OPCML: variants seen among roughly 807,000 people sequenced by gnomAD.
OPCML encodes the protein opioid-binding protein/cell adhesion molecule.
A neutral mutation model predicts 37.8 loss-of-function variants in OPCML; 13 were observed. The ratio of observed to expected loss-of-function variants is 0.34; its 90% CI spans 0.22 to 0.55. The LOEUF (loss-of-function observed/expected upper bound fraction) is 0.55, where lower values mean the gene tolerates loss of function less well. Ranked by LOEUF, OPCML falls within the 20% of genes least tolerant of loss-of-function variation. The pLI, the probability that OPCML is intolerant of heterozygous loss-of-function variation, is 0.91. For synonymous variants in OPCML, 176 were observed against 168.8 expected (o/e 1.04, Z -0.33); for missense variants, 341 against 435.6 (o/e 0.78, Z 1.93).
At chr11:132,769,952 G>A (rs1161285355) in intron 2 of OPCML, among the ~76,000 whole-genome samples, 12 of 152,126 alleles carry the variant, frequency 7.9e-5, no homozygotes. Context: ...GGCATCATGG[G>A]GAGAAGACTG....
At chr11:133,468,775 T>C (rs1025667611) in intron 1 of OPCML, among the ~76,000 whole-genome samples, 4 of 152,164 alleles carry the variant, frequency 2.6e-5, no homozygotes, top group Non-Finnish European at 5.9e-5. Flanking sequence ...CCAGCCCCTT[T>C]CTCTACCTTG....
intron 2 of OPCML, among the ~76,000 whole-genome samples, chr11:132,696,223 C>T (rs1943594069): frequency 6.6e-6 from 1 of 152,144 alleles, no homozygotes; most frequent in Admixed American, 6.5e-5. Context: ...CATAAATGAG[C>T]TTAATCACAT....
intron 1 of OPCML, among the ~76,000 whole-genome samples, chr11:133,429,669 G>A (rs184300876): frequency 1.3e-5 from 2 of 152,244 alleles, no homozygotes; most frequent in Admixed American, 6.5e-5. Flanking sequence ...TGAAAGTGAG[G>A]TATGAGAAAA....
chr11:132,762,356 T>C (rs139875434), intron 2 of OPCML, among the ~76,000 whole-genome samples: 109 of 152,290 alleles, frequency 7.2e-4, no homozygotes, highest in African/African-American at 2.1e-3. Flanking sequence ...GACATCCGCC[T>C]CTCTCCTCAG....
intron 1 of OPCML, among the ~76,000 whole-genome samples, chr11:133,306,295 C>G (rs1942915084): frequency 6.6e-6 from 1 of 152,090 alleles, no homozygotes; most frequent in South Asian, 2.1e-4. Context: ...CAGCAAAATA[C>G]CACAACAAAG....
At chr11:132,872,857 T>TTAGC (rs1226382984) in intron 2 of OPCML, among the ~76,000 whole-genome samples, 3 of 152,198 alleles carry the variant, frequency 2.0e-5, no homozygotes, top group African/African-American at 7.2e-5. Flanking sequence ...TCCCTGGCTA[T>TTAGC]TAGCTGAGTA....
chr11:133,237,743 G>A (rs1381003558), intron 1 of OPCML, among the ~76,000 whole-genome samples: 1 of 152,154 alleles, frequency 6.6e-6, no homozygotes, highest in Non-Finnish European at 1.5e-5. Context: ...ACACATATAA[G>A]CATATATCAG....
rs112592515 is a variant in OPCML, at chr11:132,708,845, T to G, written c.147-51526A>C. On this transcript the variant is annotated intron_variant, in intron 2 of 7. Coordinates refer to ENST00000524381, the MANE Select transcript of OPCML (RefSeq NM_001012393.5). ...TTATGGCTACCAGTGTCACCAGATA[T>G]TAAACGATAATGAAAAAGGCTTAGC... Among the ~76,000 whole-genome samples the G allele has an allele frequency of 2.6e-5, 4 of 152,314 alleles. 1 individual carries two copies. Among genetic ancestry groups the G allele is most frequent in the African/African-American group, 9.6e-5 (4 of 41,568 alleles).
chr11:133,064,222 G>A (rs545009378), intron 1 of OPCML, among the ~76,000 whole-genome samples: 6 of 152,164 alleles, frequency 3.9e-5, no homozygotes, highest in Non-Finnish European at 7.3e-5. Flanking sequence ...CGACCCCAGC[G>A]CAACCCAGCG....
intron 1 of OPCML, chr11:133,421,838 A>C: frequency 1.1e-6 from 1 of 883,806 alleles, no homozygotes; most frequent in Non-Finnish European, 1.4e-6. Context: ...GAAACAAGCC[A>C]TCCCTACTGT....
At chr11:132,817,353 A>G (rs1565885204) in intron 2 of OPCML, among the ~76,000 whole-genome samples, 1 of 152,132 alleles carries the variant, frequency 6.6e-6, no homozygotes, top group Non-Finnish European at 1.5e-5. Flanking sequence ...AGTATATACA[A>G]TTTTATTAAT....
rs1938844686 is a variant in OPCML at position 132,614,218 on chromosome 11, G to A, written c.379+42869C>T. On this transcript the variant is annotated intron_variant, in intron 3 of 7. Coordinates refer to ENST00000524381, the MANE Select transcript of OPCML (RefSeq NM_001012393.5). ...ATGCCCTGTGCTTTGGTACCTGCTG[G>A]ATTTGGTCTGTTTTTCCCTTTCCTG... Among the ~76,000 whole-genome samples the A allele has an allele frequency of 2.6e-5, 4 of 152,066 alleles. No homozygotes were observed. In the South Asian group the frequency reaches 8.3e-4, roughly 32 times the overall value.
chr11:133,053,668 C>T lies in OPCML; in HGVS notation c.62-110658G>A, dbSNP rs183507699. Among the ~76,000 whole-genome samples, 20 of 152,238 alleles carry T rather than the reference C, an allele frequency of 1.3e-4. No individual in the cohort carries two copies. The South Asian group carries it at 2.1e-3, about 16-fold the overall frequency. On this transcript the variant is annotated intron_variant, in intron 1 of 7. Coordinates refer to ENST00000524381, the MANE Select transcript of OPCML (RefSeq NM_001012393.5). The stretch of plus-strand genomic sequence containing the variant: ...TTCTCAACTGGCTTCTGGGAAAGCA[C>T]GCTCCAGGCTTTTCTTCGACCTAAC...
intron 1 of OPCML, among the ~76,000 whole-genome samples, chr11:133,166,098 T>C (rs1368597851): frequency 6.6e-6 from 1 of 152,224 alleles, no homozygotes; most frequent in Non-Finnish European, 1.5e-5. Context: ...TTAGTCACTT[T>C]TATATGAAAG....
At chr11:133,457,758 G>A (rs1284951567) in intron 1 of OPCML, among the ~76,000 whole-genome samples, 2 of 152,174 alleles carry the variant, frequency 1.3e-5, no homozygotes, top group African/African-American at 4.8e-5. Flanking sequence ...ATAACTAAGA[G>A]CGGACGTAGT....
chr11:133,412,065 G>A (rs1423887715), intron 1 of OPCML, among the ~76,000 whole-genome samples: 4 of 152,252 alleles, frequency 2.6e-5, no homozygotes, highest in Admixed American at 6.5e-5. Context: ...ACATTCAAAC[G>A]GTCTAATTTG....
intron 2 of OPCML, among the ~76,000 whole-genome samples, chr11:132,714,885 A>G (rs1365031668): frequency 6.6e-6 from 1 of 152,190 alleles, no homozygotes; most frequent in Non-Finnish European, 1.5e-5. Flanking sequence ...GAGAGCTCTG[A>G]GGGTGATCTG....
At chr11:133,398,620 AAT>A (rs1169098158) in intron 1 of OPCML, among the ~76,000 whole-genome samples, 14 of 152,198 alleles carry the variant, frequency 9.2e-5, no homozygotes, top group Non-Finnish European at 1.9e-4. Context: ...TAAAAAAAAA[AAT>A]CTAAAGAGAT....
At chr11:133,399,065 T>A (rs1423079909) in intron 1 of OPCML, among the ~76,000 whole-genome samples, 3 of 152,218 alleles carry the variant, frequency 2.0e-5, no homozygotes, top group Non-Finnish European at 4.4e-5. Flanking sequence ...ATTCATCACA[T>A]AATTATTTGT....
Sources: allele counts gnomAD v4.1 joint callset (sites outside exome capture counted in the v4.1 genomes callset), GRCh38; gene constraint gnomAD v4.1.1; transcripts MANE v1.5; gene names NCBI Gene and HGNC (gene_info 2026-07-23, HGNC 2026-07-21).